Variants in ACP2 observed in about 807,000 individuals in gnomAD.
The protein encoded by ACP2 is lysosomal acid phosphatase.
Under a neutral mutation model 54.7 loss-of-function variants are expected in ACP2, and 35 were observed. The observed-to-expected ratio is 0.64, with a 90% CI of 0.49 to 0.85. The LOEUF is 0.85. ACP2 is among the 40% of genes least tolerant of loss of function. The probability of loss-of-function intolerance (pLI) is 0.00; values close to 1 mark genes in which losing one functional copy is unlikely to be tolerated. For synonymous variants in ACP2, 210 were observed against 224.4 expected, an observed-to-expected ratio of 0.94 and a Z score of 0.57; for missense variants, 492 against 565.0, an observed-to-expected ratio of 0.87 and a Z score of 1.31.
Position 47,248,770 on chromosome 11 carries a change from C to T in ACP2, c.20G>A (p.Gly7Asp). 1 of 1,599,212 alleles carries T rather than the reference C, an allele frequency of 6.3e-7. No homozygotes were observed. Among genetic ancestry groups the T allele is most frequent in the Non-Finnish European group, 8.5e-7 (1 of 1,173,086 alleles). MAGKRS[G>D]WSRAALLQLL... ...CTGGAGGAGAGCCGCCCGGCTCCAGCCGGACCGCTTGCCCGCCATCACCGT... is the reference window on the plus strand; with the variant it reads ...CTGGAGGAGAGCCGCCCGGCTCCAGTCGGACCGCTTGCCCGCCATCACCGT... The change falls in exon 1 of 11, where the codon GGC becomes GAC. Residue 7 changes from glycine to aspartate, a missense_variant. Coordinates refer to ENST00000672073, the MANE Select transcript of ACP2 (RefSeq NM_001610.4).
At chr11:47,240,649 G>A (rs745795111) in intron 10 of ACP2, among the ~76,000 whole-genome samples, 12 of 152,156 alleles carry the variant, frequency 7.9e-5, no homozygotes, top group Non-Finnish European at 1.2e-4. Context: ...GTGAAATGCC[G>A]TCTCTACTAA....
Position 47,240,030 on chromosome 11 carries a change from T to C in ACP2, c.*86A>G. On this transcript the variant is annotated 3_prime_UTR_variant, in exon 11 of 11. Transcript: ENST00000672073. Reference sequence around the variant, plus strand: ...GGGAGGCCCAACCCAGGATCTCCTGTCCATGGGCTGGGGAGCAGCAACAGT... The same window carrying C: ...GGGAGGCCCAACCCAGGATCTCCTGCCCATGGGCTGGGGAGCAGCAACAGT... 1 of 1,460,888 alleles carries C rather than the reference T, an allele frequency of 6.8e-7. No homozygotes were observed. The highest frequency in any genetic ancestry group is 9.3e-7 in the Non-Finnish European group (1 of 1,079,464). 90.5% of individuals were successfully genotyped at this position (1,460,888 alleles called of 1,614,324 possible). A position where few individuals can be genotyped will look rare whatever the true frequency, so the allele number is the denominator to read the frequency against.
intron 8 of ACP2, 43 bp from the exon 9 acceptor site, chr11:47,243,167 C>A: frequency 1.9e-6 from 3 of 1,613,266 alleles, no homozygotes; most frequent in Non-Finnish European, 1.7e-6. Context: ...TTCCCCACAC[C>A]CGCAGGAACC....
intron 7 of ACP2, among the ~76,000 whole-genome samples, chr11:47,243,876 T>G (rs1039059154): frequency 6.6e-6 from 1 of 151,874 alleles, no homozygotes; most frequent in Non-Finnish European, 1.5e-5. Context: ...GTGGCTCATG[T>G]GTGTAATCCC....
At chr11:47,248,409 A>G (rs1954302051) in intron 1 of ACP2, 2 of 1,526,696 alleles carry the variant, frequency 1.3e-6, no homozygotes, top group Non-Finnish European at 8.8e-7. Context: ...ACAACTGGGG[A>G]AAAAAGATAA....
chr11:47,248,334 C>G, intron 1 of ACP2: 1 of 1,158,848 alleles, frequency 8.6e-7, no homozygotes, highest in East Asian at 2.6e-5. Flanking sequence ...TACTGGAGAC[C>G]ATAGGCAAAG....
At chr11:47,248,344 G>T in intron 1 of ACP2, 2 of 1,233,554 alleles carry the variant, frequency 1.6e-6, no homozygotes, top group Non-Finnish European at 2.2e-6. Flanking sequence ...CATAGGCAAA[G>T]CCAAGGTACA....
chr11:47,239,494 C>G lies in ACP2; in HGVS notation c.*622G>C. On this transcript the variant is annotated 3_prime_UTR_variant, in exon 11 of 11. Coordinates refer to ENST00000672073, the MANE Select transcript of ACP2 (RefSeq NM_001610.4). The stretch of plus-strand genomic sequence containing the variant: ...GCAACTCCCTTCCCACCACTCCCTA[C>G]TCCCTCCCAAGTACAGACAACCTTC... 6.2e-6 allele frequency: 1 copy of G among 161,040 alleles called. No homozygotes were observed. The highest frequency in any genetic ancestry group is 1.4e-5 in the Non-Finnish European group (1 of 73,172). The allele number at this position is 161,040 out of a possible 1,614,324, so 10.0% of individuals were successfully genotyped here.
chr11:47,241,338 A>G (rs187116705), intron 10 of ACP2, among the ~76,000 whole-genome samples: 2 of 152,244 alleles, frequency 1.3e-5, no homozygotes, highest in Non-Finnish European at 2.9e-5. Context: ...ACCAACATGG[A>G]GAAACCTCAT....
At chr11:47,243,381 C>T in intron 7 of ACP2, 60 bp from the exon 8 acceptor site, 1 of 1,441,886 alleles carries the variant, frequency 6.9e-7, no homozygotes, top group Non-Finnish European at 9.7e-7. Flanking sequence ...CTAATTAGAC[C>T]TATCTGTGCT....
Position 47,240,205 on chromosome 11 carries a change from G to A in ACP2, c.1183C>T (p.Leu395Phe). ...LAVCGSILFL[L>F]IVLLLTVLFR... The stretch of plus-strand genomic sequence containing the variant: ...AGGACGGTGAGGAGCAGCACTATGA[G>A]GAGGAAGAGGATGGAGCCACATACA... The change falls in exon 11 of 11, where the codon CTC becomes TTC. Residue 395 changes from leucine to phenylalanine, a missense_variant. Transcript: ENST00000672073. The A allele has an allele frequency of 6.2e-7, 1 of 1,611,946 alleles. No homozygotes were observed. The highest frequency in any genetic ancestry group is 8.5e-7 in the Non-Finnish European group (1 of 1,177,964).
intron 3 of ACP2, chr11:47,247,405 C>A (rs1047485581): frequency 5.1e-6 from 3 of 584,842 alleles, no homozygotes; most frequent in Non-Finnish European, 9.1e-6. Context: ...CTTTGCCAGG[C>A]CCGCCCTTAA....
At chr11:47,247,603 T>C (rs763818091) in intron 3 of ACP2, 38 bp downstream of exon 3, 1 of 1,611,458 alleles carries the variant, frequency 6.2e-7, no homozygotes, top group Non-Finnish European at 8.5e-7. Context: ...GAGGGCAGCA[T>C]ACCTTGTTCC....
At chr11:47,243,477 A>C (rs1413464926) in intron 7 of ACP2, among the ~76,000 whole-genome samples, 156 bp from the exon 8 acceptor site, 1 of 152,156 alleles carries the variant, frequency 6.6e-6, no homozygotes, top group Non-Finnish European at 1.5e-5. Context: ...ACTCTGTGGC[A>C]CCCCTCCTCT....
intron 10 of ACP2, among the ~76,000 whole-genome samples, chr11:47,241,976 A>T (rs1953893517): frequency 6.6e-6 from 1 of 152,226 alleles, no homozygotes; most frequent in Non-Finnish European, 1.5e-5. Context: ...GCATAAAGTC[A>T]TGAGGCTGCA....
rs753799218 is a variant in ACP2 at position 47,245,808 on chromosome 11, G to A, written c.324C>T (p.Asp108=). ...TGGCCTCAGCACTCATGAGAGTCCGGTCAAAGTCTGTGCTTCGCACATAAA... is the reference window on the plus strand; with the variant it reads ...TGGCCTCAGCACTCATGAGAGTCCGATCAAAGTCTGTGCTTCGCACATAAA... ...QEVYVRSTDF[D]RTLMSAEANL... Residue 108 remains aspartate (D), a synonymous_variant, in exon 4 of 11, where the codon GAC becomes GAT. Coordinates refer to ENST00000672073, the MANE Select transcript of ACP2 (RefSeq NM_001610.4). 6.3e-7 allele frequency: 1 copy of A among 1,589,764 alleles called. No homozygotes were observed. The highest frequency in any genetic ancestry group is 8.6e-7 in the Non-Finnish European group (1 of 1,167,266).
intron 7 of ACP2, 41 bp downstream of exon 7, chr11:47,244,694 G>A (rs749351134): frequency 5.3e-6 from 8 of 1,508,862 alleles, no homozygotes; most frequent in Non-Finnish European, 6.3e-6. Context: ...AACGCCTTAG[G>A]GTCCTGAGGA....
chr11:47,246,289 T>C, intron 3 of ACP2, among the ~76,000 whole-genome samples: 1 of 152,134 alleles, frequency 6.6e-6, no homozygotes, highest in Non-Finnish European at 1.5e-5. Context: ...AAAAATAAGA[T>C]AAAGGGCTGG....
At position 47,239,346 on chromosome 11, in the gene ACP2, C is replaced by G. The variant is rs1953807300; in HGVS notation, c.*770G>C. The G allele has an allele frequency of 4.9e-6, 1 of 202,534 alleles. No homozygotes were observed. Among genetic ancestry groups the G allele is most frequent in the Non-Finnish European group, 1.0e-5 (1 of 96,684 alleles). The allele number at this position is 202,534 out of a possible 1,614,324, so 12.5% of individuals were successfully genotyped here. On this transcript the variant is annotated 3_prime_UTR_variant, in exon 11 of 11. Transcript: ENST00000672073. The stretch of plus-strand genomic sequence containing the variant: ...AGCACTATTCATTCTCTGGGAGCTG[C>G]CCCAGCCCTATTCTGGGCCACAGTC...
Sources: allele counts gnomAD v4.1 joint callset (sites outside exome capture counted in the v4.1 genomes callset), GRCh38; gene constraint gnomAD v4.1.1; transcripts MANE v1.5; gene names NCBI Gene and HGNC (gene_info 2026-07-23, HGNC 2026-07-21).